The following CAND1 variants were observed in gnomAD, a reference collection of about 807,000 sequenced individuals.
CAND1 encodes cullin-associated NEDD8-dissociated protein 1.
In CAND1, 7 loss-of-function variants were observed where a neutral mutation model predicts 108.5. The observed-to-expected ratio is 0.06, with a 90% CI of 0.04 to 0.12. The LOEUF is 0.12. Among genes scored for constraint, CAND1 ranks in the 10% least tolerant of loss-of-function variants. CAND1 has a pLI of 1.00. For synonymous variants in CAND1, 534 were observed against 512.0 expected (o/e 1.04, Z -0.58); for missense variants, 941 against 1,448.7 (o/e 0.65, Z 5.69).
chr12:67,300,047 C>G (rs1215251984), intron 7 of CAND1, among the ~76,000 whole-genome samples: 5 of 152,094 alleles, frequency 3.3e-5, no homozygotes, highest in African/African-American at 1.2e-4. Flanking sequence ...GTTCCATTTT[C>G]TTTTTTCCAT....
chr12:67,311,917 TA>T lies in CAND1; in HGVS notation c.3468+122del. ...CCAGTGCTCTGTGTAGCAGTTGGTT[TA>T]AAAAGTTAACCTATCGAATACTGAT... On this transcript the variant is annotated intron_variant, in intron 14 of 14. Coordinates refer to ENST00000545606, the MANE Select transcript of CAND1 (RefSeq NM_018448.5). 3 of 623,628 alleles carry T rather than the reference TA, an allele frequency of 4.8e-6. No homozygotes were observed. In the South Asian group the frequency reaches 6.1e-5, roughly 13 times the overall value. 38.6% of individuals were successfully genotyped at this position (623,628 alleles called of 1,614,324 possible).
intron 1 of CAND1, among the ~76,000 whole-genome samples, chr12:67,275,744 CA>C (rs2044563197): frequency 6.6e-6 from 1 of 152,072 alleles, no homozygotes; most frequent in Non-Finnish European, 1.5e-5. Flanking sequence ...ATTGTGAGTG[CA>C]AGGTATCTAT....
rs1228070656 is a variant in CAND1, at chr12:67,269,652, C to T, written c.-66C>T. The T allele has an allele frequency of 2.0e-5, 29 of 1,415,862 alleles. No individual in the cohort carries two copies. Among genetic ancestry groups the T allele is most frequent in the South Asian group, 2.0e-4 (17 of 83,746 alleles). The allele number at this position is 1,415,862 out of a possible 1,614,324, so 87.7% of individuals were successfully genotyped here. On this transcript the variant is annotated 5_prime_UTR_variant, in exon 1 of 15. Coordinates refer to ENST00000545606, the MANE Select transcript of CAND1 (RefSeq NM_018448.5). ...AGAGGAGGAGCTCCAGTGGCGGCGG[C>T]GGCGGCGGCAGCGGCAGCGGGCAGC...
At chr12:67,277,571 G>A (rs2044581325) in intron 1 of CAND1, among the ~76,000 whole-genome samples, 1 of 152,250 alleles carries the variant, frequency 6.6e-6, no homozygotes, top group Non-Finnish European at 1.5e-5. Context: ...GGCTGAAATA[G>A]GCCAAGAAGA....
chr12:67,297,938 A>G (rs1240866864), intron 6 of CAND1, 85 bp downstream of exon 6: 2 of 669,744 alleles, frequency 3.0e-6, no homozygotes, highest in Admixed American at 5.9e-5. Flanking sequence ...TGTGAGGAGA[A>G]GCGGCCTTTT....
chr12:67,311,744 G>C lies in CAND1; in HGVS notation c.3412G>C (p.Val1138Leu). 1 of 1,612,436 alleles carries C rather than the reference G, an allele frequency of 6.2e-7. No individual in the cohort carries two copies. Among genetic ancestry groups the C allele is most frequent in the Non-Finnish European group, 8.5e-7 (1 of 1,178,602 alleles). Residue 1138 changes from valine (V) to leucine (L), a missense_variant, in exon 14 of 15, where the codon GTA becomes CTA. Coordinates refer to ENST00000545606, the MANE Select transcript of CAND1 (RefSeq NM_018448.5). ...ACTGTCTACCCTTTGTCCAAGTGCA[G>C]TACTGCAGAGGTTGGACCGACTTGT... ...VRLSTLCPSA[V>L]LQRLDRLVEP... is the part of the protein sequence containing the mutation.
Position 67,305,381 on chromosome 12 carries a change from T to C in CAND1, c.1713T>C (p.Cys571=), listed in dbSNP as rs758515149. 1 of 1,614,124 alleles carries C rather than the reference T, an allele frequency of 6.2e-7. No individual in the cohort carries two copies. Among genetic ancestry groups the C allele is most frequent in the South Asian group, 1.1e-5 (1 of 91,084 alleles). The change falls in exon 10 of 15, where the codon TGT becomes TGC. Residue 571 remains cysteine (C), a synonymous_variant. Coordinates refer to ENST00000545606, the MANE Select transcript of CAND1 (RefSeq NM_018448.5). This position sits in a 1 kb window ranked among gnomAD's most constrained non-coding sequence, Gnocchi z 4.4. The part of the protein sequence containing the change: ...ATPYIKDLFT[C]TIKRLKAADI... The stretch of plus-strand genomic sequence containing the variant: ...CTTATATCAAAGATCTATTTACCTG[T>C]ACCATTAAGAGATTAAAAGCAGCTG...
intron 1 of CAND1, among the ~76,000 whole-genome samples, chr12:67,278,026 C>T (rs1411002017): frequency 6.6e-6 from 1 of 152,172 alleles, no homozygotes; most frequent in Non-Finnish European, 1.5e-5. Context: ...TCAGTAGCTT[C>T]CCACTCTCTT....
chr12:67,314,905 A>G lies in CAND1; in HGVS notation c.*2075A>G, dbSNP rs147036529. 2.0e-5 allele frequency: 3 copies of G among 152,350 alleles called. No homozygotes were observed. The highest frequency in any genetic ancestry group is 2.4e-5 in the African/African-American group (1 of 41,572). 9.4% of individuals were successfully genotyped at this position (152,350 alleles called of 1,614,324 possible). ...AGTAACAGCAGTGCTTAGAATTTCA[A>G]TGCTGTGTCATACTGATGATTAACT... is the stretch of plus-strand genomic sequence containing the variant. On this transcript the variant is annotated 3_prime_UTR_variant, in exon 15 of 15. Transcript: ENST00000545606.
In CAND1 at chr12:67,315,342, T is replaced by C. The variant is rs2044997406; in HGVS notation, c.*2512T>C. 1 of 151,504 alleles carries C rather than the reference T, an allele frequency of 6.6e-6. No homozygotes were observed. Among genetic ancestry groups the C allele is most frequent in the Non-Finnish European group, 1.5e-5 (1 of 68,250 alleles). 9.4% of individuals were successfully genotyped at this position (151,504 alleles called of 1,614,324 possible). ...GGTGGCAGACGCCTGTAGTCCTAGCTGCTACAGCTGAGGCAGGAGAATGGC... is the reference window on the plus strand; with the variant it reads ...GGTGGCAGACGCCTGTAGTCCTAGCCGCTACAGCTGAGGCAGGAGAATGGC... On this transcript the variant is annotated 3_prime_UTR_variant, in exon 15 of 15. Transcript: ENST00000545606.
At position 67,312,808 on chromosome 12, in the gene CAND1, TG is replaced by T; in HGVS notation, c.3673del (p.Glu1225AsnfsTer23). On this transcript the variant is annotated frameshift_variant, in exon 15 of 15. Transcript: ENST00000545606. LOFTEE classifies it high-confidence loss of function. ...CAGAAAGATTCATCATCTACTAACTTGGAATCAATGGACACTAGTTAGATGT... is the reference window on the plus strand; with the variant it reads ...CAGAAAGATTCATCATCTACTAACTTGAATCAATGGACACTAGTTAGATGT... ...SIQKDSSSTN[L>X]ESMDTS The T allele has an allele frequency of 6.2e-7, 1 of 1,610,356 alleles. No homozygotes were observed. Among genetic ancestry groups the T allele is most frequent in the Non-Finnish European group, 8.5e-7 (1 of 1,177,366 alleles).
At chr12:67,281,166 C>A (rs143872831) in intron 1 of CAND1, among the ~76,000 whole-genome samples, 1 of 150,614 alleles carries the variant, frequency 6.6e-6, no homozygotes, top group Admixed American at 6.6e-5. Flanking sequence ...ATAGTAAATA[C>A]TAAAAATACA....
chr12:67,312,693 A>G lies in CAND1; in HGVS notation c.3556A>G (p.Ile1186Val), dbSNP rs1271692920. ...AMRAVAALLT[I>V]PEAEKSPLMS... ...GAGAGCAGTAGCAGCACTGCTAACCATTCCAGAAGCAGAGAAGAGTCCACT... is the reference window on the plus strand; with the variant it reads ...GAGAGCAGTAGCAGCACTGCTAACCGTTCCAGAAGCAGAGAAGAGTCCACT... Residue 1186 changes from isoleucine (I) to valine (V), a missense_variant, in exon 15 of 15, where the codon ATT (isoleucine) becomes GTT (valine). Physicochemically the swap from Ile to Val is conservative, Grantham distance 29. Coordinates refer to ENST00000545606, the MANE Select transcript of CAND1 (RefSeq NM_018448.5). 5 of 1,613,788 alleles carry G rather than the reference A, an allele frequency of 3.1e-6. No individual in the cohort carries two copies. Among genetic ancestry groups the G allele is most frequent in the Non-Finnish European group, 4.2e-6 (5 of 1,179,752 alleles).
intron 5 of CAND1, 39 bp from the exon 6 acceptor site, chr12:67,297,708 AT>A: frequency 6.3e-7 from 1 of 1,584,254 alleles, no homozygotes; most frequent in South Asian, 1.2e-5. Flanking sequence ...AATTAAAAAA[AT>A]TAATGCATGT....
At chr12:67,278,458 C>T (rs907732269) in intron 1 of CAND1, among the ~76,000 whole-genome samples, 1 of 151,548 alleles carries the variant, frequency 6.6e-6, no homozygotes, top group Non-Finnish European at 1.5e-5. Context: ...TCCTACTCTT[C>T]AGATCAGTCT....
At chr12:67,269,859 G>GCC (rs2044500797) in intron 1 of CAND1, 74 bp downstream of exon 1, 1 of 1,313,152 alleles carries the variant, frequency 7.6e-7, no homozygotes, top group Non-Finnish European at 1.1e-6. Context: ...CGCAGGCCTT[G>GCC]CCCCACCCCT....
In CAND1 at chr12:67,304,766, C is replaced by G; in HGVS notation, c.1435+20C>G. ...TACCAGGTATGAAAGAAACATAAAT[C>G]TCTTTTGGGACTTATTGTAGCCTTT... On this transcript the variant is annotated intron_variant, in intron 9 of 14. Transcript: ENST00000545606. The G allele has an allele frequency of 1.2e-6, 2 of 1,610,544 alleles. No homozygotes were observed. The highest frequency in any genetic ancestry group is 8.5e-7 in the Non-Finnish European group (1 of 1,179,016).
Position 67,311,773 on chromosome 12 carries a change from G to T in CAND1, c.3441G>T (p.Glu1147Asp), listed in dbSNP as rs1182129298. The T allele has an allele frequency of 1.2e-6, 2 of 1,607,960 alleles. No homozygotes were observed. The change falls in exon 14 of 15, where the codon GAG becomes GAT. Residue 1147 changes from glutamate to aspartate, a missense_variant. Around this residue, in one of 9 missense-constraint regions of CAND1, gnomAD observed 22 missense variants for 24.4 expected, o/e 0.90. Transcript: ENST00000545606. ...TGCAGAGGTTGGACCGACTTGTTGA[G>T]CCATTACGTGCAACATGTACAACTA... is the stretch of plus-strand genomic sequence containing the variant. ...AVLQRLDRLV[E>D]PLRATCTTKV... is the part of the protein sequence containing the mutation.
rs530914351 is a variant in CAND1 at position 67,312,891 on chromosome 12, A to G, written c.*61A>G. ...ATACAATGCACTGAATTGACAGGTT[A>G]ATCATAAGACATGGAAAGAGAAGTG... On this transcript the variant is annotated 3_prime_UTR_variant, in exon 15 of 15. Coordinates refer to ENST00000545606, the MANE Select transcript of CAND1 (RefSeq NM_018448.5). 140 of 1,074,564 alleles carry G rather than the reference A, an allele frequency of 1.3e-4. No homozygotes were observed. Among genetic ancestry groups the G allele is most frequent in the East Asian group, 9.9e-5 (4 of 40,480 alleles). The allele number at this position is 1,074,564 out of a possible 1,614,324, so 66.6% of individuals were successfully genotyped here.
Sources: allele counts gnomAD v4.1 joint callset (sites outside exome capture counted in the v4.1 genomes callset), GRCh38; gene constraint gnomAD v4.1.1; regional missense constraint gnomAD v4.1.1; non-coding constraint Gnocchi (gnomAD v3.1); transcripts MANE v1.5; gene names NCBI Gene and HGNC (gene_info 2026-07-23, HGNC 2026-07-21).